RNF150: variants seen among roughly 807,000 people sequenced by gnomAD.
RNF150 encodes the protein ring finger protein 150.
RNF150 carries 24 observed loss-of-function variants against 39.3 expected under a neutral mutation model. The ratio of observed to expected loss-of-function variants is 0.61; its 90% CI spans 0.44 to 0.86. The LOEUF (loss-of-function observed/expected upper bound fraction) is 0.86. Ranked by LOEUF, RNF150 falls within the 40% of genes least tolerant of loss-of-function variation. The pLI, the probability that RNF150 is intolerant of heterozygous loss-of-function variation, is 0.00. For missense variants in RNF150, 502 were observed against 587.8 expected (o/e 0.85, Z 1.51); for synonymous variants, 255 against 227.3 (o/e 1.12, Z -1.10).
chr4:141,041,447 G>T (rs570061780), intron 1 of RNF150, among the ~76,000 whole-genome samples: 1 of 152,180 alleles, frequency 6.6e-6, no homozygotes, highest in African/African-American at 2.4e-5. Flanking sequence ...CAGAGGAAGA[G>T]AACAAATTAC....
intron 1 of RNF150, 74 bp from the exon 2 acceptor site, chr4:140,967,947 G>A (rs1223391498): frequency 1.5e-6 from 2 of 1,364,368 alleles, no homozygotes; most frequent in African/African-American, 1.4e-5. Flanking sequence ...GAGATGTGTG[G>A]ACACAGTAAC....
intron 6 of RNF150, among the ~76,000 whole-genome samples, chr4:140,888,788 C>A (rs1729663945): frequency 6.6e-6 from 1 of 152,214 alleles, no homozygotes; most frequent in South Asian, 2.1e-4. Context: ...CTCAATAATT[C>A]TCTCAACCAA....
At chr4:141,082,847 CAAAGGA>C (rs1352757866) in intron 1 of RNF150, among the ~76,000 whole-genome samples, 1 of 152,156 alleles carries the variant, frequency 6.6e-6, no homozygotes, top group African/African-American at 2.4e-5. Flanking sequence ...CTCGGCCTCC[CAAAGGA>C]AATTATTTTT....
chr4:141,173,007 CA>C lies in RNF150; in HGVS notation c.-6+39786del, dbSNP rs575876589. Among the ~76,000 whole-genome samples, 971 of 150,122 alleles carry C rather than the reference CA, an allele frequency of 6.5e-3. 5 individuals carry two copies. Among genetic ancestry groups the C allele is most frequent in the Middle Eastern group, 0.01 (3 of 290 alleles). On this transcript the variant is annotated intron_variant, in intron 1 of 7. Transcript: ENST00000420921. Reference sequence around the variant, plus strand: ...CGGCATTGCACTTCAGCCTGGGCAACAAGAGTGAAACTCCGTCTTAAAAAAA... The same window carrying C: ...CGGCATTGCACTTCAGCCTGGGCAACAGAGTGAAACTCCGTCTTAAAAAAA...
chr4:141,075,915 CA>C (rs2110963579), intron 1 of RNF150, among the ~76,000 whole-genome samples: 1 of 151,938 alleles, frequency 6.6e-6, no homozygotes, highest in Non-Finnish European at 1.5e-5. Context: ...TTGATATAAC[CA>C]AAAACCACCT....
chr4:140,951,550 TG>T (rs371017778), intron 2 of RNF150, among the ~76,000 whole-genome samples: 8 of 64,982 alleles, frequency 1.2e-4, no homozygotes, highest in East Asian at 7.9e-4. Flanking sequence ...TTGTTGTTGT[TG>T]TTTTTTTTTT....
At position 140,861,657 on chromosome 4, in the gene RNF150, T is replaced by C. The variant is rs1728495556; in HGVS notation, c.*6604A>G. 6.6e-6 allele frequency: 1 copy of C among 152,248 alleles called. No homozygotes were observed. Among genetic ancestry groups the C allele is most frequent in the Non-Finnish European group, 1.5e-5 (1 of 68,042 alleles). The allele number at this position is 152,248 out of a possible 1,614,324, so 9.4% of individuals were successfully genotyped here. On this transcript the variant is annotated 3_prime_UTR_variant, in exon 7 of 7. Transcript: ENST00000515673. ...TGTGTTAGTTCTTCAACTGCTCTAC[T>C]ATACCCATTAGTACAGGCAACAGTT...
At chr4:141,204,302 A>T (rs1728340335) in intron 1 of RNF150, among the ~76,000 whole-genome samples, 1 of 152,200 alleles carries the variant, frequency 6.6e-6, no homozygotes, top group African/African-American at 2.4e-5. Context: ...AAAAGTTGTC[A>T]TAATCTATTG....
At chr4:141,203,915 C>A (rs548072753) in intron 1 of RNF150, among the ~76,000 whole-genome samples, 2 of 151,858 alleles carry the variant, frequency 1.3e-5, no homozygotes, top group Non-Finnish European at 2.9e-5. Context: ...GGTAATGTTT[C>A]TGTTAAGAAT....
chr4:141,206,549 T>G (rs1367752832), intron 1 of RNF150, among the ~76,000 whole-genome samples: 1 of 151,536 alleles, frequency 6.6e-6, no homozygotes. Context: ...AACAAATAAA[T>G]TAGATACCAA....
At chr4:140,933,076 A>G (rs1226753067) in intron 4 of RNF150, among the ~76,000 whole-genome samples, 1 of 152,212 alleles carries the variant, frequency 6.6e-6, no homozygotes, top group Non-Finnish European at 1.5e-5. Flanking sequence ...TTGTTTGTAT[A>G]GTGCTTCATT....
chr4:140,914,717 C>T (rs1249807171), intron 5 of RNF150, among the ~76,000 whole-genome samples: 3 of 152,140 alleles, frequency 2.0e-5, no homozygotes, highest in African/African-American at 7.2e-5. Flanking sequence ...GATCAAAATG[C>T]TTCTGATAAT....
At chr4:141,006,589 A>G (rs1274065347) in intron 1 of RNF150, among the ~76,000 whole-genome samples, 2 of 152,220 alleles carry the variant, frequency 1.3e-5, no homozygotes, top group African/African-American at 4.8e-5. Flanking sequence ...TTTGTTTGAC[A>G]TTAGGAAATC....
At chr4:140,898,279 A>ATTTT (rs10693510) in intron 6 of RNF150, among the ~76,000 whole-genome samples, 2 of 148,210 alleles carry the variant, frequency 1.3e-5, no homozygotes, top group African/African-American at 2.5e-5. Flanking sequence ...TGATGCACAC[A>ATTTT]TTTTTTTTTT....
At chr4:141,071,220 T>C (rs1737685985) in intron 1 of RNF150, among the ~76,000 whole-genome samples, 1 of 116,484 alleles carries the variant, frequency 8.6e-6, no homozygotes, top group African/African-American at 3.4e-5. Flanking sequence ...TATCACACTC[T>C]GGGGACTGTG....
At chr4:141,093,108 T>C (rs1738651679) in intron 1 of RNF150, among the ~76,000 whole-genome samples, 1 of 152,122 alleles carries the variant, frequency 6.6e-6, no homozygotes, top group Admixed American at 6.5e-5. Context: ...GGCTCATGCC[T>C]GTAATCCCAG....
chr4:140,896,728 A>T lies in RNF150; in HGVS notation c.1198+14416T>A, dbSNP rs546311485. On this transcript the variant is annotated intron_variant, in intron 6 of 6. Transcript: ENST00000515673. ...AAAAAACAAACAAACAAACAAAAAA[A>T]AATAATTTTTTTTCTTTAAAAAAGA... is the stretch of plus-strand genomic sequence containing the variant. 4.1e-4 allele frequency among the ~76,000 whole-genome samples: 23 copies of T among 56,414 alleles called. 1 individual carries two copies. In the South Asian group the frequency reaches 4.1e-3, roughly 10 times the overall value. 37.0% of individuals were successfully genotyped at this position (56,414 alleles called of 152,430 possible). A position where few individuals can be genotyped will look rare whatever the true frequency, so the allele number is the denominator to read the frequency against.
At position 140,862,648 on chromosome 4, in the gene RNF150, G is replaced by A. The variant is rs934252719; in HGVS notation, c.*5613C>T. The A allele has an allele frequency of 1.3e-5, 2 of 152,092 alleles. No homozygotes were observed. Among genetic ancestry groups the A allele is most frequent in the Non-Finnish European group, 2.9e-5 (2 of 68,024 alleles). 9.4% of individuals were successfully genotyped at this position (152,092 alleles called of 1,614,324 possible). ...TGAGTGAGGACAAAAGGAGGGAAAAGGAAGAGCTAAGGGATGATGAGAAAC... is the reference window on the plus strand; with the variant it reads ...TGAGTGAGGACAAAAGGAGGGAAAAAGAAGAGCTAAGGGATGATGAGAAAC... On this transcript the variant is annotated 3_prime_UTR_variant, in exon 7 of 7. Transcript: ENST00000515673.
chr4:141,073,266 A>G (rs1737773206), intron 1 of RNF150, among the ~76,000 whole-genome samples: 1 of 152,158 alleles, frequency 6.6e-6, no homozygotes, highest in Non-Finnish European at 1.5e-5. Context: ...GGCAGTGACT[A>G]TCCCAGAGAT....
Sources: gnomAD v4.1 joint callset for allele counts (sites outside exome capture counted in the v4.1 genomes callset) on GRCh38, gnomAD v4.1.1 for gene constraint, MANE v1.5 for transcripts, NCBI Gene and HGNC (gene_info 2026-07-23, HGNC 2026-07-21) for gene names.